The following TTC29 variants were observed in gnomAD, a reference collection of about 807,000 sequenced individuals.
The protein encoded by TTC29 is tetratricopeptide repeat protein 29.
Under a neutral mutation model 58.1 loss-of-function variants are expected in TTC29, and 49 were observed. That is an observed-to-expected ratio of 0.84 (90% CI 0.67 to 1.07). The LOEUF (loss-of-function observed/expected upper bound fraction) is 1.07. Ranked by LOEUF, TTC29 falls within the 50% of genes least tolerant of loss-of-function variation. The pLI, the probability that TTC29 is intolerant of heterozygous loss-of-function variation, is 0.00. For synonymous variants in TTC29, 209 were observed against 196.8 expected (o/e 1.06, Z -0.52); for missense variants, 582 against 555.6 (o/e 1.05, Z -0.48).
intron 10 of TTC29, among the ~76,000 whole-genome samples, chr4:146,812,294 T>C (rs1236720141): frequency 6.6e-6 from 1 of 152,158 alleles, no homozygotes; most frequent in Non-Finnish European, 1.5e-5. Flanking sequence ...AGATTTCAAT[T>C]ATTTATTGTT....
chr4:146,893,869 G>A (rs1262766061), intron 6 of TTC29, among the ~76,000 whole-genome samples: 12 of 152,270 alleles, frequency 7.9e-5, no homozygotes, highest in Non-Finnish European at 1.6e-4. Context: ...AGTGGGTGAA[G>A]GATATGAACA....
At chr4:146,793,852 C>T (rs1749646197) in intron 11 of TTC29, among the ~76,000 whole-genome samples, 1 of 152,112 alleles carries the variant, frequency 6.6e-6, no homozygotes, top group Non-Finnish European at 1.5e-5. Context: ...ATTACCTATG[C>T]AATTACACTT....
intron 10 of TTC29, among the ~76,000 whole-genome samples, chr4:146,810,085 A>T (rs1375720357): frequency 6.6e-6 from 1 of 152,202 alleles, no homozygotes; most frequent in East Asian, 1.9e-4. Flanking sequence ...ATGCAGCTAT[A>T]AAAAAGGATG....
chr4:146,774,295 C>T (rs1343990330), intron 11 of TTC29, among the ~76,000 whole-genome samples: 1 of 152,032 alleles, frequency 6.6e-6, no homozygotes, highest in African/African-American at 2.4e-5. Context: ...GTTCTTGCTT[C>T]TACAGTTCCC....
At chr4:146,794,816 C>A (rs916231089) in intron 11 of TTC29, among the ~76,000 whole-genome samples, 3 of 151,890 alleles carry the variant, frequency 2.0e-5, no homozygotes, top group African/African-American at 7.3e-5. Flanking sequence ...ATTTTAAGTT[C>A]CAGGGTACAC....
chr4:146,775,322 G>A (rs1224616437), intron 11 of TTC29, among the ~76,000 whole-genome samples: 2 of 152,072 alleles, frequency 1.3e-5, no homozygotes, highest in African/African-American at 4.8e-5. Flanking sequence ...AGACTTGATT[G>A]TGTGATTGCT....
At chr4:146,783,469 G>T (rs1206474372) in intron 11 of TTC29, among the ~76,000 whole-genome samples, 1 of 151,996 alleles carries the variant, frequency 6.6e-6, no homozygotes, top group Non-Finnish European at 1.5e-5. Context: ...GATGAAGGGA[G>T]CCTGTAAACA....
intron 4 of TTC29, among the ~76,000 whole-genome samples, chr4:146,932,782 C>T (rs28711272): frequency 0.015 from 2,239 of 152,126 alleles, 46 homozygotes; most frequent in African/African-American, 0.051. Flanking sequence ...GTAGGCCAGG[C>T]GCGGTGGTTC....
chr4:146,760,518 A>C (rs1216120625), intron 11 of TTC29, among the ~76,000 whole-genome samples: 1 of 151,904 alleles, frequency 6.6e-6, no homozygotes, highest in Non-Finnish European at 1.5e-5. Context: ...GAGGCATCAC[A>C]CTACCTGATT....
intron 11 of TTC29, among the ~76,000 whole-genome samples, chr4:146,761,666 G>C (rs1579615747): frequency 1.5e-5 from 2 of 135,434 alleles, no homozygotes; most frequent in African/African-American, 5.4e-5. Context: ...CCTAAACAGA[G>C]TAGTTTTTTT....
chr4:146,845,833 A>C (rs917761856), intron 8 of TTC29, among the ~76,000 whole-genome samples: 1 of 152,042 alleles, frequency 6.6e-6, no homozygotes, highest in Non-Finnish European at 1.5e-5. Flanking sequence ...ACACACACAC[A>C]CACACACACC....
intron 11 of TTC29, among the ~76,000 whole-genome samples, chr4:146,800,347 A>G (rs1750127571): frequency 1.3e-5 from 2 of 152,196 alleles, no homozygotes; most frequent in Admixed American, 6.5e-5. Flanking sequence ...TCTCTGAGCT[A>G]ATGATTTGTT....
At position 146,914,970 on chromosome 4, in the gene TTC29, C is replaced by T. The variant is rs555233002; in HGVS notation, c.177-5721G>A. Reference sequence around the variant, plus strand: ...GATATTATAGTGTTTTAAAATTCTGCCTTAAACTATTTTGAATAGCTACTA... The same window carrying T: ...GATATTATAGTGTTTTAAAATTCTGTCTTAAACTATTTTGAATAGCTACTA... On this transcript the variant is annotated intron_variant, in intron 4 of 12. Coordinates refer to ENST00000325106, the MANE Select transcript of TTC29 (RefSeq NM_031956.4). 1.8e-4 allele frequency among the ~76,000 whole-genome samples: 28 copies of T among 152,180 alleles called. 1 individual carries two copies. The South Asian group carries it at 5.6e-3, about 30-fold the overall frequency.
intron 11 of TTC29, among the ~76,000 whole-genome samples, chr4:146,762,349 T>TC (rs1174483697): frequency 6.6e-5 from 10 of 150,692 alleles, no homozygotes; most frequent in Admixed American, 6.0e-4. Context: ...GTAATTTCTT[T>TC]TTTTTTTTTT....
At chr4:146,783,935 T>C (rs1158659866) in intron 11 of TTC29, among the ~76,000 whole-genome samples, 4 of 152,058 alleles carry the variant, frequency 2.6e-5, no homozygotes, top group Non-Finnish European at 2.9e-5. Flanking sequence ...TACTCTCAAA[T>C]GGTATGTCTA....
intron 9 of TTC29, among the ~76,000 whole-genome samples, chr4:146,824,863 T>C (rs959378316): frequency 5.9e-5 from 9 of 152,224 alleles, no homozygotes; most frequent in African/African-American, 1.9e-4. Flanking sequence ...TATCCATTTC[T>C]TCTAGATTTT....
intron 11 of TTC29, among the ~76,000 whole-genome samples, chr4:146,740,121 T>C (rs757558954): frequency 6.6e-6 from 1 of 152,148 alleles, no homozygotes. Context: ...ACTGGGGACC[T>C]CTCTAGCCTA....
intron 10 of TTC29, among the ~76,000 whole-genome samples, chr4:146,809,981 C>T (rs1395922371): frequency 6.6e-6 from 1 of 152,086 alleles, no homozygotes; most frequent in Non-Finnish European, 1.5e-5. Context: ...TATTGCAGCA[C>T]TGTTCACAAT....
intron 7 of TTC29, among the ~76,000 whole-genome samples, chr4:146,868,518 A>C (rs758725723): frequency 3.3e-5 from 5 of 152,100 alleles, no homozygotes; most frequent in Non-Finnish European, 7.4e-5. Context: ...TTTCTGCAAT[A>C]AAGTTAGTCT....
Sources: gnomAD v4.1 joint callset for allele counts (sites outside exome capture counted in the v4.1 genomes callset) on GRCh38, gnomAD v4.1.1 for gene constraint, MANE v1.5 for transcripts, NCBI Gene and HGNC (gene_info 2026-07-23, HGNC 2026-07-21) for gene names.